The following TTC34 variants were observed in gnomAD, a reference collection of about 807,000 sequenced individuals.
TTC34 encodes the protein tetratricopeptide repeat domain 34.
A neutral mutation model predicts 40.7 loss-of-function variants in TTC34; 44 were observed. The ratio of observed to expected loss-of-function variants is 1.08; its 90% CI spans 0.85 to 1.39. TTC34 has a LOEUF of 1.39. Among genes scored for constraint, TTC34 ranks in the 40% most tolerant of loss-of-function variants. TTC34 has a pLI of 0.00. For missense variants in TTC34, 884 were observed against 838.0 expected, an observed-to-expected ratio of 1.05 and a Z score of -0.68; for synonymous variants, 422 against 398.6, an observed-to-expected ratio of 1.06 and a Z score of -0.70.
chr1:2,776,008 G>T (rs1351766629), intron 6 of TTC34: 4 of 120,136 alleles, frequency 3.3e-5, no homozygotes, highest in African/African-American at 8.4e-5. Flanking sequence ...CCACCACAAG[G>T]TGAGCATATG....
chr1:2,790,293 C>A, exon 3 of TTC34: 1 of 398,462 alleles, frequency 2.5e-6, no homozygotes, highest in Admixed American at 4.4e-5. Context: ...GCCCGGCCGT[C>A]CAGGAAGAAG....
intron 6 of TTC34, among the ~76,000 whole-genome samples, chr1:2,767,421 C>G (rs1193663190): frequency 7.3e-6 from 1 of 137,568 alleles, no homozygotes; most frequent in Non-Finnish European, 1.6e-5. Context: ...AGCATCTGAC[C>G]GCATGGAATG....
chr1:2,677,885 G>C (rs796754466), intron 6 of TTC34, among the ~76,000 whole-genome samples: 67 of 4,534 alleles, frequency 0.015, 9 homozygotes, highest in East Asian at 0.062. Context: ...TGGAACCGCA[G>C]CCACACCCCC....
chr1:2,749,429 G>T (rs1641244827), intron 6 of TTC34, among the ~76,000 whole-genome samples: 15 of 137,036 alleles, frequency 1.1e-4, no homozygotes, highest in Admixed American at 2.2e-4. Flanking sequence ...TGACAGCCTG[G>T]AACAGCACCG....
chr1:2,751,350 T>G, intron 6 of TTC34, among the ~76,000 whole-genome samples: 1 of 146,644 alleles, frequency 6.8e-6, no homozygotes, highest in Admixed American at 6.9e-5. Context: ...TCTGACAGCC[T>G]GGGTCGGCAC....
At chr1:2,648,642 T>C (rs997301208) in intron 6 of TTC34, among the ~76,000 whole-genome samples, 1 of 147,614 alleles carries the variant, frequency 6.8e-6, no homozygotes, top group Admixed American at 6.7e-5. Flanking sequence ...GGGGAGCATC[T>C]TACAGCCTGG....
At chr1:2,758,740 T>G (rs1386235089) in intron 6 of TTC34, among the ~76,000 whole-genome samples, 708 of 38,072 alleles carry the variant, frequency 0.019, no homozygotes, top group Middle Eastern at 0.029. Context: ...TCTGACAGCC[T>G]GGAACAGCAC....
intron 6 of TTC34, among the ~76,000 whole-genome samples, chr1:2,699,074 CGGAGCAGCGCCCACACA>C (rs1641005384): frequency 4.8e-5 from 1 of 20,876 alleles, no homozygotes; most frequent in Non-Finnish European, 1.1e-4. Context: ...TCGGAGAGTC[CGGAGCAGCGCCCACACA>C]CCCAAGTGAG....
At chr1:2,687,901 C>G (rs1243594872) in intron 6 of TTC34, among the ~76,000 whole-genome samples, 248 of 150,958 alleles carry the variant, frequency 1.6e-3, no homozygotes, top group African/African-American at 5.7e-3. Flanking sequence ...AGGTGAGCAT[C>G]TGACAGACTG....
rs1331838910 is a variant in TTC34 at position 2,641,187 on chromosome 1, G to A, written c.*181C>T. 216 of 535,888 alleles carry A rather than the reference G, an allele frequency of 4.0e-4. 6 individuals carry two copies. The East Asian group carries it at 7.7e-3, about 19-fold the overall frequency. The allele number at this position is 535,888 out of a possible 1,614,324, so 33.2% of individuals were successfully genotyped here. ...GGGAAGGGGGGCTGTGGGGAGGGTT[G>A]GGAAGGGGGGTTGTGGGGAGGGTTG... On this transcript the variant is annotated 3_prime_UTR_variant, in exon 9 of 9. Transcript: ENST00000401095.
In TTC34 at chr1:2,699,973, C is replaced by G. The variant is rs1336986348; in HGVS notation, c.2227-54410G>C. ...TGACAGCCTGGAGAAATGCTCACAC[C>G]CCAAGGTGAGCATCTGACAGCCTGG... On this transcript the variant is annotated intron_variant, in intron 6 of 8. Transcript: ENST00000401095. Among the ~76,000 whole-genome samples the G allele has an allele frequency of 3.0e-5, 3 of 100,824 alleles. 1 individual carries two copies. The highest frequency in any genetic ancestry group is 6.0e-5 in the African/African-American group (2 of 33,088). 66.1% of individuals were successfully genotyped at this position (100,824 alleles called of 152,430 possible). A position where few individuals can be genotyped will look rare whatever the true frequency, so the allele number is the denominator to read the frequency against.
chr1:2,656,434 C>G (rs1639350509), intron 6 of TTC34, among the ~76,000 whole-genome samples: 2 of 56,580 alleles, frequency 3.5e-5, no homozygotes, highest in African/African-American at 7.9e-5. Flanking sequence ...GAGCATCTGA[C>G]AGCCTGCAAC....
Position 2,689,917 on chromosome 1 carries a change from G to T in TTC34, c.2227-44354C>A. On this transcript the variant is annotated intron_variant, in intron 6 of 8. Transcript: ENST00000401095. ...CAAACCCCCAGGTGAGCATCTCACA[G>T]CTTGGAACAGCACCCCGCACCCCCA... Among the ~76,000 whole-genome samples the T allele has an allele frequency of 3.5e-5, 2 of 56,616 alleles. 1 individual carries two copies. 37.1% of individuals were successfully genotyped at this position (56,616 alleles called of 152,430 possible). A position where few individuals can be genotyped will look rare whatever the true frequency, so the allele number is the denominator to read the frequency against.
At chr1:2,691,309 C>A (rs1348656755) in intron 6 of TTC34, among the ~76,000 whole-genome samples, 6 of 39,036 alleles carry the variant, frequency 1.5e-4, no homozygotes, top group Admixed American at 2.4e-4. Context: ...CAACCCCAGG[C>A]GAGCATCCGA....
intron 6 of TTC34, among the ~76,000 whole-genome samples, chr1:2,691,595 C>A (rs1264315437): frequency 3.5e-5 from 3 of 85,188 alleles, no homozygotes; most frequent in Admixed American, 1.2e-4. Context: ...CCAGGTGAGA[C>A]CCTGACAGCC....
intron 6 of TTC34, among the ~76,000 whole-genome samples, chr1:2,757,057 GGA>G (rs1641530725): frequency 8.1e-5 from 12 of 148,702 alleles, no homozygotes; most frequent in Admixed American, 1.3e-4. Flanking sequence ...GCCTGGAACA[GGA>G]CCCACACCCC....
intron 4 of TTC34, 67 bp downstream of exon 4, chr1:2,787,414 G>T: frequency 7.3e-7 from 1 of 1,374,316 alleles, no homozygotes; most frequent in Non-Finnish European, 9.7e-7. Flanking sequence ...GGCCACGGGA[G>T]GCCTGTGCCC....
At chr1:2,759,956 C>CCT (rs1641640995) in intron 6 of TTC34, among the ~76,000 whole-genome samples, 15,418 of 131,832 alleles carry the variant, frequency 0.12, 21 homozygotes, top group Non-Finnish European at 0.15. Flanking sequence ...GGAAAGGCAC[C>CCT]CACACCACCA....
chr1:2,686,891 T>G, intron 6 of TTC34, among the ~76,000 whole-genome samples: 1 of 121,678 alleles, frequency 8.2e-6, no homozygotes, highest in Non-Finnish European at 1.7e-5. Flanking sequence ...CACCCCCTGA[T>G]GAGCATCTGA....
Sources: allele counts gnomAD v4.1 joint callset (sites outside exome capture counted in the v4.1 genomes callset), GRCh38; gene constraint gnomAD v4.1.1; transcripts MANE v1.5; gene names NCBI Gene and HGNC (gene_info 2026-07-23, HGNC 2026-07-21).